The following TLCD4 variants were observed in gnomAD, a reference collection of about 807,000 sequenced individuals.
TLCD4 encodes TLC domain containing 4.
TLCD4 carries 7 observed loss-of-function variants against 24.2 expected under a neutral mutation model. That is an observed-to-expected ratio of 0.29 (90% CI 0.16 to 0.54). TLCD4 has a LOEUF of 0.54. Among genes scored for constraint, TLCD4 ranks in the 20% least tolerant of loss-of-function variants. The probability of loss-of-function intolerance (pLI) is 0.95; values close to 1 mark genes in which losing one functional copy is unlikely to be tolerated. For synonymous variants in TLCD4, 103 were observed against 106.4 expected (o/e 0.97, Z 0.20); for missense variants, 259 against 313.9 (o/e 0.82, Z 1.32).
chr1:95,108,522 C>T, the TLCD4 span, among the ~76,000 whole-genome samples: 1 of 152,240 alleles, frequency 6.6e-6, no homozygotes, highest in African/African-American at 2.4e-5. Context: ...GGAGGTCTCA[C>T]TATGTTGCCC....
intron 5 of TLCD4, among the ~76,000 whole-genome samples, chr1:95,151,655 G>T (rs1417053913): frequency 6.6e-6 from 1 of 152,088 alleles, no homozygotes; most frequent in Non-Finnish European, 1.5e-5. Flanking sequence ...ACAGACAAAT[G>T]ACCCTAATTC....
chr1:95,184,564 C>A (rs139289116), intron 6 of TLCD4, among the ~76,000 whole-genome samples: 95 of 152,142 alleles, frequency 6.2e-4, no homozygotes, highest in African/African-American at 2.0e-3. Context: ...TGCTAAATGA[C>A]CAAAGTTAGG....
the TLCD4 span, among the ~76,000 whole-genome samples, chr1:95,105,954 G>A: frequency 6.7e-6 from 1 of 149,770 alleles, no homozygotes; most frequent in Non-Finnish European, 1.5e-5. Flanking sequence ...GAAGACTACT[G>A]CAAAGAGGAC....
intron 6 of TLCD4, among the ~76,000 whole-genome samples, chr1:95,178,563 C>CCTTT (rs1283797159): frequency 1.2e-5 from 1 of 82,360 alleles, no homozygotes; most frequent in African/African-American, 4.9e-5. Flanking sequence ...ATGCCCAGCC[C>CCTTT]TTTTTTTTTT....
Position 95,194,059 on chromosome 1 carries a change from C to T in TLCD4, c.*2191C>T, listed in dbSNP as rs937598505. On this transcript the variant is annotated 3_prime_UTR_variant, in exon 7 of 7. Transcript: ENST00000370203. Reference sequence around the variant, plus strand: ...AATATAAAGCTATATTAGTGAGTCTCCATGTAGCAGTTTGTTTTTATAGTT... The same window carrying T: ...AATATAAAGCTATATTAGTGAGTCTTCATGTAGCAGTTTGTTTTTATAGTT... 5.9e-5 allele frequency: 9 copies of T among 152,054 alleles called. No individual in the cohort carries two copies. The highest frequency in any genetic ancestry group is 2.0e-4 in the Admixed American group (3 of 15,258). The allele number at this position is 152,054 out of a possible 1,614,324, so 9.4% of individuals were successfully genotyped here.
chr1:95,169,605 A>G (rs1678138189), intron 5 of TLCD4, among the ~76,000 whole-genome samples: 1 of 150,616 alleles, frequency 6.6e-6, no homozygotes, highest in South Asian at 2.1e-4. Flanking sequence ...TAAATTCTCA[A>G]AAAAGGTCTT....
chr1:95,185,182 A>G (rs1678788213), intron 6 of TLCD4, among the ~76,000 whole-genome samples: 1 of 152,190 alleles, frequency 6.6e-6, no homozygotes, highest in African/African-American at 2.4e-5. Context: ...CTTTCAAAAA[A>G]CTGGCAAAGA....
intron 5 of TLCD4, chr1:95,163,316 CAT>C (rs1312658977): frequency 6.6e-6 from 1 of 152,110 alleles, no homozygotes; most frequent in Non-Finnish European, 1.5e-5. Flanking sequence ...GTGCATGTGT[CAT>C]ATAGTTCTCG....
chr1:95,095,676 C>A, the TLCD4 span, among the ~76,000 whole-genome samples: 2 of 152,130 alleles, frequency 1.3e-5, no homozygotes, highest in Admixed American at 1.3e-4. Flanking sequence ...GGATTACAGG[C>A]GTGAGCCACC....
chr1:95,177,184 C>T (rs1278177118), intron 6 of TLCD4, among the ~76,000 whole-genome samples: 1 of 152,152 alleles, frequency 6.6e-6, no homozygotes, highest in African/African-American at 2.4e-5. Context: ...TCATTAGAAT[C>T]AGTTTTCTAT....
At chr1:95,156,719 C>T (rs1015712702) in intron 5 of TLCD4, among the ~76,000 whole-genome samples, 1 of 152,010 alleles carries the variant, frequency 6.6e-6, no homozygotes, top group African/African-American at 2.4e-5. Flanking sequence ...AGCACAATAT[C>T]TAATTTGGAT....
At chr1:95,186,199 T>G (rs1246455251) in intron 6 of TLCD4, among the ~76,000 whole-genome samples, 1 of 152,182 alleles carries the variant, frequency 6.6e-6, no homozygotes, top group East Asian at 1.9e-4. Flanking sequence ...TTTATCCCCA[T>G]TTATAGAGAT....
At chr1:95,174,070 G>A in intron 6 of TLCD4, 181 bp downstream of exon 6, 1 of 862,330 alleles carries the variant, frequency 1.2e-6, no homozygotes, top group Non-Finnish European at 1.7e-6. Flanking sequence ...ACTTACCCAA[G>A]TTTCCCTAGC....
At position 95,195,533 on chromosome 1, in the gene TLCD4, T is replaced by C. The variant is rs999097393; in HGVS notation, c.*3665T>C. On this transcript the variant is annotated 3_prime_UTR_variant, in exon 7 of 7. Transcript: ENST00000370203. ...CATCATCAATAATACTTCATAAAGG[T>C]TTATGTATTTTTATGTGTTTGGATT... 6.6e-6 allele frequency: 1 copy of C among 152,106 alleles called. No individual in the cohort carries two copies. The highest frequency in any genetic ancestry group is 2.4e-5 in the African/African-American group (1 of 41,426). 9.4% of individuals were successfully genotyped at this position (152,106 alleles called of 1,614,324 possible).
chr1:95,184,977 A>G (rs1678776974), intron 6 of TLCD4, among the ~76,000 whole-genome samples: 1 of 152,108 alleles, frequency 6.6e-6, no homozygotes, highest in Non-Finnish European at 1.5e-5. Context: ...AAAAATTGGC[A>G]GAAGCTAACA....
chr1:95,099,787 T>C, the TLCD4 span, among the ~76,000 whole-genome samples: 1 of 152,130 alleles, frequency 6.6e-6, no homozygotes, highest in African/African-American at 2.4e-5. Flanking sequence ...TCACCAACTC[T>C]ATTAGGTATT....
chr1:95,166,176 A>G (rs1000679156), intron 5 of TLCD4, among the ~76,000 whole-genome samples: 5 of 152,170 alleles, frequency 3.3e-5, no homozygotes, highest in East Asian at 1.9e-4. Context: ...ACTATGGGGT[A>G]GTCCACCCTA....
chr1:95,100,699 T>A, the TLCD4 span, among the ~76,000 whole-genome samples: 338 of 152,354 alleles, frequency 2.2e-3, no homozygotes, highest in African/African-American at 7.7e-3. Flanking sequence ...TATAAATATG[T>A]CTTTTTCAGA....
At chr1:95,104,090 C>T in the TLCD4 span, among the ~76,000 whole-genome samples, 1 of 152,146 alleles carries the variant, frequency 6.6e-6, no homozygotes, top group Non-Finnish European at 1.5e-5. Flanking sequence ...CATCACTTGG[C>T]TGTATTTTAT....
Sources: gnomAD v4.1 joint callset for allele counts (sites outside exome capture counted in the v4.1 genomes callset) on GRCh38, gnomAD v4.1.1 for gene constraint, MANE v1.5 for transcripts, NCBI Gene and HGNC (gene_info 2026-07-23, HGNC 2026-07-21) for gene names.